Variants in LIN54 observed in about 807,000 individuals in gnomAD.
The protein encoded by LIN54 is protein lin-54 homolog.
Under a neutral mutation model 78.7 loss-of-function variants are expected in LIN54, and 9 were observed. The observed-to-expected ratio is 0.11, with a 90% CI of 0.07 to 0.20. LIN54 has a LOEUF of 0.20. LIN54 is among the 10% of genes least tolerant of loss of function. The probability of loss-of-function intolerance (pLI) is 1.00; values close to 1 mark genes in which losing one functional copy is unlikely to be tolerated. For missense variants in LIN54, 573 were observed against 889.9 expected, an observed-to-expected ratio of 0.64 and a Z score of 4.53; for synonymous variants, 269 against 318.4, an observed-to-expected ratio of 0.84 and a Z score of 1.65.
intron 3 of LIN54, among the ~76,000 whole-genome samples, chr4:82,976,186 C>G (rs1391623165): frequency 6.6e-6 from 1 of 152,048 alleles, no homozygotes; most frequent in Non-Finnish European, 1.5e-5. Context: ...GCCTTTAATG[C>G]TAAGAAAGCA....
chr4:82,931,290 G>A, intron 11 of LIN54, 145 bp from the exon 12 acceptor site: 1 of 663,482 alleles, frequency 1.5e-6, no homozygotes, highest in Non-Finnish European at 2.6e-6. Context: ...CTGACAAACA[G>A]TAACTACACA....
intron 5 of LIN54, among the ~76,000 whole-genome samples, chr4:82,941,148 GGA>G (rs1491101500): frequency 6.6e-5 from 2 of 30,174 alleles, no homozygotes; most frequent in Admixed American, 7.0e-4. Context: ...GGAGTTAAGA[GGA>G]TATATATATA....
At chr4:82,928,822 A>C (rs189881766) in intron 12 of LIN54, among the ~76,000 whole-genome samples, 1 of 152,252 alleles carries the variant, frequency 6.6e-6, no homozygotes, top group Non-Finnish European at 1.5e-5. Context: ...TGTAGAAAAC[A>C]TTCCAAAATT....
chr4:82,944,179 A>C (rs1392342954), intron 5 of LIN54, among the ~76,000 whole-genome samples: 1 of 152,034 alleles, frequency 6.6e-6, no homozygotes, highest in Non-Finnish European at 1.5e-5. Context: ...CCAATACTCT[A>C]TTTTGAAATG....
At chr4:82,989,862 T>A (rs1175965726) in intron 1 of LIN54, among the ~76,000 whole-genome samples, 1 of 152,210 alleles carries the variant, frequency 6.6e-6, no homozygotes, top group Non-Finnish European at 1.5e-5. Context: ...GTGGACACCA[T>A]ATGTTCTGCT....
intron 1 of LIN54, among the ~76,000 whole-genome samples, chr4:83,001,669 C>T (rs1349954054): frequency 6.7e-6 from 1 of 150,142 alleles, no homozygotes; most frequent in Non-Finnish European, 1.5e-5. Flanking sequence ...CATGGTGAAA[C>T]CCCGTCTCTA....
chr4:82,925,777 C>T lies in LIN54; in HGVS notation c.*2325G>A, dbSNP rs1240475973. 1 of 152,482 alleles carries T rather than the reference C, an allele frequency of 6.6e-6. No homozygotes were observed. The highest frequency in any genetic ancestry group is 1.5e-5 in the Non-Finnish European group (1 of 67,998). 9.4% of individuals were successfully genotyped at this position (152,482 alleles called of 1,614,324 possible). ...GATTTACTTTGCTGTCCTGTTTTTA[C>T]AATATAGAAAAGTGTATTCTTTGAA... On this transcript the variant is annotated 3_prime_UTR_variant, in exon 13 of 13. Transcript: ENST00000340417.
rs760307278 is a variant in LIN54, at chr4:82,946,375, T to G, written c.1051A>C (p.Ile351Leu). ...TGAAACTTGCTTCCAGGCACTTGAA[T>G]CTGCTGGACATTGGGAGCAGTTGCC... ...PLATAPNVQQ[I>L]QVPGSKFHYV... Residue 351 changes from isoleucine to leucine, a missense_variant, in exon 5 of 13, where the codon ATT becomes CTT. Ile to Leu is a conservative substitution (Grantham distance 5). Transcript: ENST00000340417. 10 of 1,614,020 alleles carry G rather than the reference T, an allele frequency of 6.2e-6. No homozygotes were observed. In the African/African-American group the frequency reaches 1.1e-4, roughly 17 times the overall value.
intron 1 of LIN54, among the ~76,000 whole-genome samples, chr4:83,005,046 C>G (rs1384688897): frequency 6.6e-6 from 1 of 152,090 alleles, no homozygotes; most frequent in Non-Finnish European, 1.5e-5. Context: ...AGGCACCCAC[C>G]ACCATGCCCG....
rs577667400 is a variant in LIN54, at chr4:82,977,057, C to CA, written c.808+1825dup. The stretch of plus-strand genomic sequence containing the variant: ...GACATTTATAAAAGTCTATGATAGT[C>CA]ACGGTGAACTCTTGACAATAACCAA... On this transcript the variant is annotated intron_variant, in intron 3 of 12. Transcript: ENST00000340417. Among the ~76,000 whole-genome samples the CA allele has an allele frequency of 1.1e-3, 167 of 152,290 alleles. 2 individuals are homozygous for CA. The Middle Eastern group carries it at 0.024, about 22-fold the overall frequency.
chr4:82,994,310 C>T lies in LIN54; in HGVS notation c.-32-9434G>A, dbSNP rs1308484283. ...TAGTATTGTCAGAGAACATAATACTCTTTAACATTCTCATCATTTGAAATT... is the reference window on the plus strand; with the variant it reads ...TAGTATTGTCAGAGAACATAATACTTTTTAACATTCTCATCATTTGAAATT... On this transcript the variant is annotated intron_variant, in intron 1 of 12. Coordinates refer to ENST00000340417, the MANE Select transcript of LIN54 (RefSeq NM_194282.4). 2.0e-5 allele frequency among the ~76,000 whole-genome samples: 3 copies of T among 152,008 alleles called. No individual in the cohort carries two copies. The East Asian group carries it at 5.8e-4, about 29-fold the overall frequency.
At chr4:83,011,944 C>T, upstream of LIN54, 1 of 737,966 alleles carries the variant, frequency 1.4e-6, no homozygotes, top group Non-Finnish European at 1.7e-6. Context: ...GCGAACAGGG[C>T]CACTCTACTG....
chr4:82,958,451 A>G (rs1444381322), intron 4 of LIN54, among the ~76,000 whole-genome samples: 1 of 151,962 alleles, frequency 6.6e-6, no homozygotes, highest in East Asian at 1.9e-4. Context: ...TTCCTTTTCC[A>G]TGTCTTTTCC....
At position 82,928,036 on chromosome 4, in the gene LIN54, A is replaced by G; in HGVS notation, c.*66T>C. 1 of 1,339,898 alleles carries G rather than the reference A, an allele frequency of 7.5e-7. No homozygotes were observed. The highest frequency in any genetic ancestry group is 1.1e-6 in the Non-Finnish European group (1 of 935,530). 83.0% of individuals were successfully genotyped at this position (1,339,898 alleles called of 1,614,324 possible). Reference sequence around the variant, plus strand: ...AATACAGTAATTGTTTTTCTTCCAGAAAATCAAGTGTCCCTGCACCTTAAA... The same window carrying G: ...AATACAGTAATTGTTTTTCTTCCAGGAAATCAAGTGTCCCTGCACCTTAAA... On this transcript the variant is annotated 3_prime_UTR_variant, in exon 13 of 13. Transcript: ENST00000340417.
At chr4:82,940,594 T>C (rs1242706214) in intron 5 of LIN54, among the ~76,000 whole-genome samples, 3 of 152,204 alleles carry the variant, frequency 2.0e-5, no homozygotes, top group Admixed American at 6.5e-5. Flanking sequence ...GGTTCTGCCA[T>C]GTTGGCCAGG....
rs753888390 is a variant in LIN54, at chr4:82,931,141, T to C, written c.1850A>G (p.Lys617Arg). ...TTTGCATATTGAGGAACACATTATT[T>C]TTGCCTAAAAGATTTACATAAGAAA... is the stretch of plus-strand genomic sequence containing the variant. ...LKNYCECYEA[K>R]IMCSSICKCI... Residue 617 changes from lysine (K) to arginine (R), a missense_variant, in exon 12 of 13, where the codon AAA becomes AGA. Transcript: ENST00000340417. 5 of 1,613,714 alleles carry C rather than the reference T, an allele frequency of 3.1e-6. No individual in the cohort carries two copies. The East Asian group carries it at 1.1e-4, about 36-fold the overall frequency.
chr4:82,995,165 TG>T (rs1366729273), intron 1 of LIN54, among the ~76,000 whole-genome samples: 1 of 151,764 alleles, frequency 6.6e-6, no homozygotes, highest in African/African-American at 2.4e-5. Context: ...CCAGGCGTGG[TG>T]GGGCATGTCT....
upstream of LIN54, chr4:83,012,098 T>G (rs1034554372): frequency 6.9e-6 from 6 of 874,544 alleles, no homozygotes; most frequent in Non-Finnish European, 8.2e-6. Flanking sequence ...CCCCAATTGC[T>G]GTTTTTATAT....
At chr4:82,943,670 G>A (rs899310365) in intron 5 of LIN54, among the ~76,000 whole-genome samples, 12 of 152,038 alleles carry the variant, frequency 7.9e-5, no homozygotes, top group South Asian at 2.1e-4. Flanking sequence ...AGAGGGTATA[G>A]AGTGAGGTGA....
Sources: allele counts gnomAD v4.1 joint callset (sites outside exome capture counted in the v4.1 genomes callset), GRCh38; gene constraint gnomAD v4.1.1; transcripts MANE v1.5; gene names NCBI Gene and HGNC (gene_info 2026-07-23, HGNC 2026-07-21).